BEAN1: variants seen among roughly 807,000 people sequenced by gnomAD.
BEAN1 encodes the protein protein BEAN1.
In BEAN1, 17 loss-of-function variants were observed where a neutral mutation model predicts 17.7. That is an observed-to-expected ratio of 0.96 (90% confidence interval 0.66 to 1.44). The LOEUF (loss-of-function observed/expected upper bound fraction) is 1.44. Among genes scored for constraint, BEAN1 ranks in the 40% most tolerant of loss-of-function variants. BEAN1 has a pLI of 0.00. For synonymous variants in BEAN1, 142 were observed against 151.8 expected (o/e 0.94, Z 0.47); for missense variants, 359 against 374.1 (o/e 0.96, Z 0.33).
At chr16:66,455,286 A>C (rs760648741) in intron 2 of BEAN1, among the ~76,000 whole-genome samples, 1 of 152,188 alleles carries the variant, frequency 6.6e-6, no homozygotes, top group Non-Finnish European at 1.5e-5. Context: ...ACACCCCCAA[A>C]TCAGGATGAT....
intron 2 of BEAN1, among the ~76,000 whole-genome samples, chr16:66,457,372 A>T (rs1188350838): frequency 6.6e-6 from 1 of 152,146 alleles, no homozygotes; most frequent in Non-Finnish European, 1.5e-5. Context: ...GGGACTGATG[A>T]ATAGGTATAT....
intron 2 of BEAN1, among the ~76,000 whole-genome samples, chr16:66,460,844 C>T (rs1227313284): frequency 1.3e-5 from 2 of 152,200 alleles, no homozygotes; most frequent in East Asian, 1.9e-4. Context: ...ATCTGTGGGG[C>T]TGTGTGACCT....
chr16:66,431,698 GT>G (rs1433825084), intron 1 of BEAN1, among the ~76,000 whole-genome samples: 9 of 150,712 alleles, frequency 6.0e-5, no homozygotes, highest in East Asian at 1.9e-4. Context: ...AAATAACAGG[GT>G]TTTCCCCCCC....
At chr16:66,490,661 C>T (rs1964164880) in intron 4 of BEAN1, among the ~76,000 whole-genome samples, 1 of 152,064 alleles carries the variant, frequency 6.6e-6, no homozygotes, top group Non-Finnish European at 1.5e-5. Context: ...GAGTATGCCT[C>T]TGCAGCCAGC....
chr16:66,493,548 T>C, downstream of BEAN1: 1 of 579,814 alleles, frequency 1.7e-6, no homozygotes, highest in South Asian at 2.2e-5. Context: ...GACATTTTCC[T>C]GAGAAGCCTG....
At chr16:66,475,156 G>C (rs749329050) in intron 3 of BEAN1, among the ~76,000 whole-genome samples, 2 of 152,178 alleles carry the variant, frequency 1.3e-5, no homozygotes, top group African/African-American at 2.4e-5. Context: ...GATCTGTGCC[G>C]ACAGGGAAGT....
downstream of BEAN1, among the ~76,000 whole-genome samples, chr16:66,494,047 A>G (rs955518390): frequency 6.6e-6 from 1 of 152,134 alleles, no homozygotes; most frequent in African/African-American, 2.4e-5. Flanking sequence ...CTATACCCCC[A>G]GTGGGGGCTG....
rs576041215 is a variant in BEAN1, at chr16:66,473,121, C to A, written c.289+3256C>A. On this transcript the variant is annotated intron_variant, in intron 3 of 4. Coordinates refer to ENST00000536005, the MANE Select transcript of BEAN1 (RefSeq NM_001178020.3). This position sits in a 1 kb window ranked among gnomAD's most constrained non-coding sequence, Gnocchi z 4.5. ...GCACGCTAGGCGCCCACAGTAGTTCCCAAGCTGAGAGGGCTGAGGGGTTGG... is the reference window on the plus strand; with the variant it reads ...GCACGCTAGGCGCCCACAGTAGTTCACAAGCTGAGAGGGCTGAGGGGTTGG... Among the ~76,000 whole-genome samples, 8 of 152,240 alleles carry A rather than the reference C, an allele frequency of 5.3e-5. No individual in the cohort carries two copies. Among genetic ancestry groups the A allele is most frequent in the Admixed American group, 5.2e-4 (8 of 15,294 alleles).
rs539228625 is a variant in BEAN1, at chr16:66,480,275, C to T, written c.441-311C>T. Among the ~76,000 whole-genome samples, 6 of 152,246 alleles carry T rather than the reference C, an allele frequency of 3.9e-5. No individual in the cohort carries two copies. In the East Asian group the frequency reaches 5.8e-4, roughly 15 times the overall value. ...CAGCCTCTGCACACCCAGTGCGCTG[C>T]GGGGAGATGCTCCCTAGACAGTGGC... On this transcript the variant is annotated intron_variant, in intron 4 of 4. Coordinates refer to ENST00000536005, the MANE Select transcript of BEAN1 (RefSeq NM_001178020.3).
At chr16:66,491,619 CA>C (rs1964176987) in intron 4 of BEAN1, among the ~76,000 whole-genome samples, 1 of 152,108 alleles carries the variant, frequency 6.6e-6, no homozygotes, top group African/African-American at 2.4e-5. Context: ...GCCAGTTTCA[CA>C]GAAGACAATT....
chr16:66,433,950 G>A (rs550141233), intron 1 of BEAN1, among the ~76,000 whole-genome samples: 2 of 152,230 alleles, frequency 1.3e-5, no homozygotes, highest in Non-Finnish European at 2.9e-5. Flanking sequence ...GCCCAACTCT[G>A]AGTGTCACAG....
chr16:66,476,964 G>T (rs1597043212), intron 3 of BEAN1, among the ~76,000 whole-genome samples: 1 of 152,284 alleles, frequency 6.6e-6, no homozygotes, highest in South Asian at 2.1e-4. Flanking sequence ...CTAAAGGGCA[G>T]TGAGTGTGGG....
rs147362444 is a variant in BEAN1 at position 66,468,893 on chromosome 16, A to G, written c.26-709A>G. Among the ~76,000 whole-genome samples, 452 of 152,224 alleles carry G rather than the reference A, an allele frequency of 3.0e-3. 2 individuals are homozygous for G. The highest frequency in any genetic ancestry group is 0.01 in the African/African-American group (426 of 41,542). The stretch of plus-strand genomic sequence containing the variant: ...CTTTCCGTAGGACTCTCAAGGATCC[A>G]GCTGTTAGTCCTGGAGGAGGTTCCT... On this transcript the variant is annotated intron_variant, in intron 2 of 4. Coordinates refer to ENST00000536005, the MANE Select transcript of BEAN1 (RefSeq NM_001178020.3).
intron 2 of BEAN1, among the ~76,000 whole-genome samples, chr16:66,455,835 C>T (rs953982418): frequency 2.0e-5 from 3 of 152,146 alleles, no homozygotes; most frequent in East Asian, 3.9e-4. Flanking sequence ...TACAGGCACA[C>T]GCCACCATGC....
At position 66,469,845 on chromosome 16, in the gene BEAN1, G is replaced by T; in HGVS notation, c.269G>T (p.Arg90Leu). 6.5e-7 allele frequency: 1 copy of T among 1,534,382 alleles called. No homozygotes were observed. The highest frequency in any genetic ancestry group is 8.7e-7 in the Non-Finnish European group (1 of 1,146,204). Residue 90 changes from arginine (R) to leucine (L), a missense_variant, in exon 3 of 5, where the codon CGA becomes CTA. Coordinates refer to ENST00000536005, the MANE Select transcript of BEAN1 (RefSeq NM_001178020.3). ...CATCACCACCGCCGGCGTCGACACCGAGAGTACGAGCACGGCTACGGTGAG... is the reference window on the plus strand; with the variant it reads ...CATCACCACCGCCGGCGTCGACACCTAGAGTACGAGCACGGCTACGGTGAG... Reference protein sequence around the residue: ...HHHHHRRRRHREYEHGYVSDE... With the variant: ...HHHHHRRRRHLEYEHGYVSDE...
At chr16:66,490,033 G>A (rs1044160422) in intron 4 of BEAN1, among the ~76,000 whole-genome samples, 9 of 151,646 alleles carry the variant, frequency 5.9e-5, no homozygotes, top group African/African-American at 1.2e-4. Flanking sequence ...CCTTCCTGGC[G>A]ACTGGAGAGG....
At chr16:66,467,391 C>T (rs1236333042) in intron 2 of BEAN1, among the ~76,000 whole-genome samples, 2 of 152,180 alleles carry the variant, frequency 1.3e-5, no homozygotes, top group East Asian at 3.8e-4. Context: ...TGGCGGAAGG[C>T]ACCTCTTCAC....
intron 3 of BEAN1, among the ~76,000 whole-genome samples, chr16:66,472,556 T>G (rs1246048858): frequency 6.6e-6 from 1 of 151,822 alleles, no homozygotes; most frequent in Non-Finnish European, 1.5e-5. Context: ...ATACAAAAAT[T>G]AGCTGGGCAT....
intron 2 of BEAN1, among the ~76,000 whole-genome samples, chr16:66,447,005 C>T (rs900845233): frequency 6.6e-6 from 1 of 152,166 alleles, no homozygotes; most frequent in East Asian, 1.9e-4. Context: ...TGTGGTGGCT[C>T]ACACCTGTAG....
Sources: allele counts gnomAD v4.1 joint callset (sites outside exome capture counted in the v4.1 genomes callset), GRCh38; gene constraint gnomAD v4.1.1; non-coding constraint Gnocchi (gnomAD v3.1); transcripts MANE v1.5; gene names NCBI Gene and HGNC (gene_info 2026-07-23, HGNC 2026-07-21).